TRIM37: variants seen among roughly 807,000 people sequenced by gnomAD.
TRIM37 encodes the protein tripartite motif containing 37.
TRIM37 carries 80 observed loss-of-function variants against 129.8 expected under a neutral mutation model. The ratio of observed to expected loss-of-function variants is 0.62; its 90% confidence interval spans 0.51 to 0.74. The LOEUF (loss-of-function observed/expected upper bound fraction) is 0.74. Among genes scored for constraint, TRIM37 ranks in the 30% least tolerant of loss-of-function variants. TRIM37 has a pLI of 0.00. For missense variants in TRIM37, 1,054 were observed against 1,176.5 expected (o/e 0.90, Z 1.52); for synonymous variants, 389 against 387.1 (o/e 1.00, Z -0.06).
intron 9 of TRIM37, among the ~76,000 whole-genome samples, chr17:59,064,851 C>A (rs991503185): frequency 1.3e-5 from 2 of 152,088 alleles, no homozygotes; most frequent in African/African-American, 4.8e-5. Context: ...GTGGAGGTTG[C>A]GGTGATTCGA....
intron 2 of TRIM37, among the ~76,000 whole-genome samples, chr17:59,103,643 C>T (rs2045729237): frequency 1.4e-5 from 2 of 146,036 alleles, no homozygotes; most frequent in Non-Finnish European, 3.0e-5. Context: ...CTCAGGCCAA[C>T]ATTCAAGTTT....
At chr17:59,008,412 T>G (rs1345679252) in intron 22 of TRIM37, among the ~76,000 whole-genome samples, 2 of 152,210 alleles carry the variant, frequency 1.3e-5, no homozygotes, top group South Asian at 4.1e-4. Flanking sequence ...TTCAAAGACT[T>G]GGAAAATGTA....
chr17:58,999,838 G>A (rs763747058), intron 23 of TRIM37, among the ~76,000 whole-genome samples: 1 of 152,126 alleles, frequency 6.6e-6, no homozygotes, highest in Non-Finnish European at 1.5e-5. Context: ...ATTAAACTAC[G>A]CATTCAAGTA....
chr17:59,062,057 A>G (rs1599273410), intron 11 of TRIM37, among the ~76,000 whole-genome samples: 1 of 152,308 alleles, frequency 6.6e-6, no homozygotes, highest in East Asian at 1.9e-4. Flanking sequence ...CTGAAACTAC[A>G]TATTGAAAGA....
chr17:59,081,955 A>ATAATAATAAT (rs1204088877), intron 5 of TRIM37, among the ~76,000 whole-genome samples: 27 of 117,566 alleles, frequency 2.3e-4, no homozygotes, highest in African/African-American at 8.1e-4. Flanking sequence ...AAAAAAAATA[A>ATAATAATAAT]AAAAAAAAAA....
At chr17:59,052,812 G>A (rs994879355) in intron 13 of TRIM37, among the ~76,000 whole-genome samples, 3 of 152,014 alleles carry the variant, frequency 2.0e-5, no homozygotes, top group Non-Finnish European at 4.4e-5. Flanking sequence ...AAAATTAGCC[G>A]GGTATGGTGG....
chr17:59,084,663 T>C (rs1457673807), intron 4 of TRIM37, among the ~76,000 whole-genome samples: 2 of 152,206 alleles, frequency 1.3e-5, no homozygotes, highest in Non-Finnish European at 2.9e-5. Context: ...GTTAAAGCCT[T>C]AACCCCCAGT....
intron 1 of TRIM37, 196 bp from the exon 2 acceptor site, chr17:59,104,590 C>T (rs564639285): frequency 1.1e-4 from 81 of 739,662 alleles, no homozygotes; most frequent in African/African-American, 1.0e-3. Context: ...TTTGGTTTCA[C>T]GATGATTCTA....
At chr17:59,012,478 A>C (rs185783025) in intron 21 of TRIM37, 32 bp from the exon 22 acceptor site, 2 of 1,355,952 alleles carry the variant, frequency 1.5e-6, no homozygotes, top group East Asian at 4.6e-5. Flanking sequence ...ATATTTCTCT[A>C]TAACTAGTGA....
At chr17:59,078,724 T>C (rs543879042) in intron 7 of TRIM37, among the ~76,000 whole-genome samples, 6 of 152,186 alleles carry the variant, frequency 3.9e-5, no homozygotes, top group Non-Finnish European at 7.4e-5. Context: ...ACATGAAATA[T>C]ATAAGTGGCA....
intron 1 of TRIM37, among the ~76,000 whole-genome samples, chr17:59,106,154 C>A (rs2045967354): frequency 6.6e-6 from 1 of 152,154 alleles, no homozygotes; most frequent in Non-Finnish European, 1.5e-5. Flanking sequence ...CAGTTTTGGT[C>A]GGAAAAGGAT....
chr17:58,988,727 T>C (rs973538540), intron 24 of TRIM37, among the ~76,000 whole-genome samples: 4 of 152,152 alleles, frequency 2.6e-5, no homozygotes, highest in Admixed American at 1.3e-4. Context: ...ACAAAGCTTC[T>C]GAGCCTGGAA....
intron 1 of TRIM37, among the ~76,000 whole-genome samples, chr17:59,105,353 T>C (rs752500291): frequency 2.0e-5 from 3 of 152,164 alleles, no homozygotes; most frequent in South Asian, 4.2e-4. Flanking sequence ...TCTGCCCCAA[T>C]TGAAAATGTT....
At chr17:58,972,452 G>A in the TRIM37 span, among the ~76,000 whole-genome samples, 1 of 152,030 alleles carries the variant, frequency 6.6e-6, no homozygotes, top group Non-Finnish European at 1.5e-5. Flanking sequence ...CTGGGTTCAA[G>A]CGATTCTCCT....
At chr17:58,973,174 T>C in the TRIM37 span, among the ~76,000 whole-genome samples, 1 of 152,078 alleles carries the variant, frequency 6.6e-6, no homozygotes, top group Non-Finnish European at 1.5e-5. Context: ...TCCCAACACT[T>C]TGGGAGGCCG....
chr17:59,106,336 G>T, intron 1 of TRIM37, 105 bp downstream of exon 1: 1 of 1,361,488 alleles, frequency 7.3e-7, no homozygotes, highest in Non-Finnish European at 1.0e-6. Flanking sequence ...GCAGGGGCGG[G>T]GTAGGGGTGC....
Position 59,056,954 on chromosome 17 carries a change from C to T in TRIM37, c.1120G>A (p.Gly374Ser). 6.2e-7 allele frequency: 1 copy of T among 1,613,674 alleles called. No individual in the cohort carries two copies. Among genetic ancestry groups the T allele is most frequent in the Non-Finnish European group, 8.5e-7 (1 of 1,179,878 alleles). ...TCCAAACGGAAAAATCTATTATAGCCCCAGCATTCTCCAACTTCAAAGTCA... is the reference window on the plus strand; with the variant it reads ...TCCAAACGGAAAAATCTATTATAGCTCCAGCATTCTCCAACTTCAAAGTCA... ...ASDFEVGECW[G>S]YNRFFRLDLL... Residue 374 changes from glycine (G) to serine (S), a missense_variant, in exon 13 of 24, where the codon GGC (glycine) becomes AGC (serine). Transcript: ENST00000262294.
chr17:58,986,057 C>T (rs1193016025), intron 24 of TRIM37, among the ~76,000 whole-genome samples: 1 of 152,110 alleles, frequency 6.6e-6, no homozygotes, highest in Non-Finnish European at 1.5e-5. Context: ...CAGAAGGGAA[C>T]CACTAGGTAC....
At chr17:59,049,479 A>G (rs1409648147) in intron 14 of TRIM37, 86 bp from the exon 15 acceptor site, 9 of 1,169,006 alleles carry the variant, frequency 7.7e-6, no homozygotes, top group Non-Finnish European at 1.0e-5. Context: ...ATGCATCCAG[A>G]TGTTTCTAAA....
Sources: allele counts gnomAD v4.1 joint callset (sites outside exome capture counted in the v4.1 genomes callset), GRCh38; gene constraint gnomAD v4.1.1; transcripts MANE v1.5; gene names NCBI Gene and HGNC (gene_info 2026-07-23, HGNC 2026-07-21).